LRRC3B: variants seen among roughly 807,000 people sequenced by gnomAD.
LRRC3B encodes the protein leucine-rich repeat-containing protein 3B.
Under a neutral mutation model 12.8 loss-of-function variants are expected in LRRC3B, and 2 were observed. The ratio of observed to expected loss-of-function variants is 0.16; its 90% CI spans 0.06 to 0.49. LRRC3B has a LOEUF of 0.49. Ranked by LOEUF, LRRC3B falls within the 20% of genes least tolerant of loss-of-function variation. The pLI is 0.96. For missense variants in LRRC3B, 189 were observed against 319.4 expected, an observed-to-expected ratio of 0.59 and a Z score of 3.11; for synonymous variants, 132 against 122.0, an observed-to-expected ratio of 1.08 and a Z score of -0.54.
At chr3:26,671,558 A>T (rs941370239) in intron 1 of LRRC3B, among the ~76,000 whole-genome samples, 2 of 148,982 alleles carry the variant, frequency 1.3e-5, no homozygotes, top group Admixed American at 1.3e-4. Flanking sequence ...AGCCCAGCTA[A>T]TTTTTTTGTA....
chr3:26,657,888 C>T lies in LRRC3B; in HGVS notation c.-161+34651C>T, dbSNP rs147986613. On this transcript the variant is annotated intron_variant, in intron 1 of 1. Transcript: ENST00000396641. ...TTTTCTGGGTTGTTGCAGGTGAGGC[C>T]GCATCTGCCTTTTCAAACTTTGATA... is the stretch of plus-strand genomic sequence containing the variant. Among the ~76,000 whole-genome samples the T allele has an allele frequency of 8.0e-3, 1,222 of 152,108 alleles. 7 individuals carry two copies. Among genetic ancestry groups the T allele is most frequent in the Middle Eastern group, 0.054 (16 of 294 alleles).
chr3:26,690,043 ACT>A (rs1185120783), intron 1 of LRRC3B, among the ~76,000 whole-genome samples: 1 of 152,188 alleles, frequency 6.6e-6, no homozygotes, highest in African/African-American at 2.4e-5. Flanking sequence ...ACATGCTGTG[ACT>A]CTGCACAAAG....
At chr3:26,633,898 T>C (rs1369987058) in intron 1 of LRRC3B, among the ~76,000 whole-genome samples, 4 of 152,198 alleles carry the variant, frequency 2.6e-5, no homozygotes, top group Non-Finnish European at 5.9e-5. Context: ...CTTTGGGTTT[T>C]CCAAAAAGTG....
intron 1 of LRRC3B, among the ~76,000 whole-genome samples, chr3:26,674,029 A>C (rs748459804): frequency 4.6e-5 from 7 of 152,236 alleles, no homozygotes; most frequent in Admixed American, 2.6e-4. Flanking sequence ...GAGCTTTTGA[A>C]CTAAGTCAAC....
intron 1 of LRRC3B, among the ~76,000 whole-genome samples, chr3:26,651,794 T>G (rs977359590): frequency 2.6e-5 from 4 of 152,194 alleles, no homozygotes; most frequent in African/African-American, 9.7e-5. Flanking sequence ...GCCTCAACTT[T>G]CCTACCTGTC....
At chr3:26,670,056 G>A (rs564723118) in intron 1 of LRRC3B, among the ~76,000 whole-genome samples, 1 of 152,138 alleles carries the variant, frequency 6.6e-6, no homozygotes, top group South Asian at 2.1e-4. Context: ...GACCTGACTG[G>A]GTCTATTATC....
intron 1 of LRRC3B, among the ~76,000 whole-genome samples, chr3:26,676,624 C>T (rs1050598757): frequency 6.6e-6 from 1 of 152,162 alleles, no homozygotes; most frequent in African/African-American, 2.4e-5. Flanking sequence ...AATAGGAACA[C>T]TTTTACATGG....
At chr3:26,651,999 T>A (rs1196408485) in intron 1 of LRRC3B, among the ~76,000 whole-genome samples, 1 of 152,286 alleles carries the variant, frequency 6.6e-6, no homozygotes, top group Middle Eastern at 3.4e-3. Context: ...ACATCAAAAA[T>A]TGGATTTGAA....
At chr3:26,674,219 C>G (rs1457390375) in intron 1 of LRRC3B, among the ~76,000 whole-genome samples, 1 of 152,210 alleles carries the variant, frequency 6.6e-6, no homozygotes, top group Non-Finnish European at 1.5e-5. Context: ...GAAGATCCTT[C>G]TGAAGTCTGT....
intron 1 of LRRC3B, among the ~76,000 whole-genome samples, chr3:26,627,635 T>C (rs1580595): frequency 0.035 from 5,324 of 152,132 alleles, 328 homozygotes; most frequent in African/African-American, 0.12. Context: ...CTTCCTTTTT[T>C]TCCTACCCTC....
chr3:26,676,893 G>C (rs1699871841), intron 1 of LRRC3B, among the ~76,000 whole-genome samples: 1 of 152,170 alleles, frequency 6.6e-6, no homozygotes, highest in Non-Finnish European at 1.5e-5. Flanking sequence ...CTGGCAGTGT[G>C]ATTTATAAGG....
intron 1 of LRRC3B, among the ~76,000 whole-genome samples, chr3:26,698,270 T>G (rs1053072232): frequency 1.3e-5 from 2 of 152,204 alleles, no homozygotes; most frequent in African/African-American, 4.8e-5. Flanking sequence ...GTGGAACTTT[T>G]ATTACCCTCA....
At chr3:26,709,230 G>A (rs1216168078) in intron 1 of LRRC3B, among the ~76,000 whole-genome samples, 1 of 152,160 alleles carries the variant, frequency 6.6e-6, no homozygotes. Flanking sequence ...AGGATGTGGA[G>A]AGCAGCAGAG....
At chr3:26,694,857 A>G (rs757114706) in intron 1 of LRRC3B, 6 of 152,206 alleles carry the variant, frequency 3.9e-5, no homozygotes, top group Non-Finnish European at 7.3e-5. Context: ...CTCCTGGCCA[A>G]TCTCTTTGTT....
chr3:26,690,807 AT>A (rs1700173196), intron 1 of LRRC3B, among the ~76,000 whole-genome samples: 3 of 152,026 alleles, frequency 2.0e-5, no homozygotes, highest in African/African-American at 7.2e-5. Flanking sequence ...CCATATCCAA[AT>A]AATTGGTTTA....
At chr3:26,705,627 C>A (rs746042617) in intron 1 of LRRC3B, among the ~76,000 whole-genome samples, 1 of 152,040 alleles carries the variant, frequency 6.6e-6, no homozygotes, top group Non-Finnish European at 1.5e-5. Flanking sequence ...AGCAGCATAG[C>A]TTGTTTACTG....
intron 1 of LRRC3B, among the ~76,000 whole-genome samples, chr3:26,670,697 G>A (rs1699701911): frequency 6.6e-6 from 1 of 152,248 alleles, no homozygotes; most frequent in East Asian, 1.9e-4. Flanking sequence ...TTAACTGTGT[G>A]ACCTTGAACA....
intron 1 of LRRC3B, among the ~76,000 whole-genome samples, chr3:26,689,153 G>C (rs1334418525): frequency 6.6e-6 from 1 of 152,146 alleles, no homozygotes; most frequent in Non-Finnish European, 1.5e-5. Context: ...ATCTCCCTAA[G>C]GGTTGAAAAT....
At chr3:26,688,211 C>A (rs922808702) in intron 1 of LRRC3B, among the ~76,000 whole-genome samples, 1 of 152,192 alleles carries the variant, frequency 6.6e-6, no homozygotes, top group Non-Finnish European at 1.5e-5. Flanking sequence ...TTCTAAATAT[C>A]TAGGCATCCA....
Sources: allele counts gnomAD v4.1 joint callset (sites outside exome capture counted in the v4.1 genomes callset), GRCh38; gene constraint gnomAD v4.1.1; transcripts MANE v1.5; gene names NCBI Gene and HGNC (gene_info 2026-07-23, HGNC 2026-07-21).